Variants in TAFA2 observed in about 807,000 individuals in gnomAD.
TAFA2 encodes chemokine-like protein TAFA-2.
In TAFA2, 7 loss-of-function variants were observed where a neutral mutation model predicts 18.8. That is an observed-to-expected ratio of 0.37 (90% CI 0.21 to 0.70). TAFA2 has a LOEUF of 0.70. Among genes scored for constraint, TAFA2 ranks in the 30% least tolerant of loss-of-function variants. The probability of loss-of-function intolerance (pLI) is 0.53; values close to 1 mark genes in which losing one functional copy is unlikely to be tolerated. For synonymous variants in TAFA2, 60 were observed against 54.2 expected, an observed-to-expected ratio of 1.11 and a Z score of -0.47; for missense variants, 122 against 158.1, an observed-to-expected ratio of 0.77 and a Z score of 1.23.
chr12:61,807,026 T>C (rs1447552125), intron 2 of TAFA2, among the ~76,000 whole-genome samples: 1 of 146,314 alleles, frequency 6.8e-6, no homozygotes, highest in Non-Finnish European at 1.5e-5. Context: ...TCAAGCCAGC[T>C]GCAGAAATTT....
chr12:61,818,479 TCTCAAAAAAATACACACACACA>T (rs1351357638), intron 2 of TAFA2, among the ~76,000 whole-genome samples: 1 of 140,308 alleles, frequency 7.1e-6, no homozygotes, highest in Non-Finnish European at 1.5e-5. Flanking sequence ...CGAGACCCTG[TCTCAAAAAAATACACACACACA>T]CACACACACA....
chr12:61,898,464 C>T (rs1336346401), intron 1 of TAFA2, among the ~76,000 whole-genome samples: 1 of 152,208 alleles, frequency 6.6e-6, no homozygotes, highest in East Asian at 1.9e-4. Context: ...TCCATACATC[C>T]TCCGAAATCT....
At chr12:62,174,580 T>C (rs971217063) in intron 1 of TAFA2, among the ~76,000 whole-genome samples, 2 of 152,146 alleles carry the variant, frequency 1.3e-5, no homozygotes, top group Non-Finnish European at 2.9e-5. Flanking sequence ...TAAAATCCAC[T>C]AAAGAATTTA....
chr12:62,256,732 AT>A, intron 1 of TAFA2, among the ~76,000 whole-genome samples: 1 of 151,880 alleles, frequency 6.6e-6, no homozygotes. Context: ...ACCCTCCGTA[AT>A]TTTTTTTAGC....
intron 1 of TAFA2, among the ~76,000 whole-genome samples, chr12:62,081,667 T>G (rs1056649621): frequency 2.0e-5 from 3 of 152,052 alleles, no homozygotes; most frequent in Non-Finnish European, 4.4e-5. Flanking sequence ...GTATTTTTAG[T>G]AGAGACGGGG....
chr12:62,080,936 T>C (rs1354075293), intron 1 of TAFA2, among the ~76,000 whole-genome samples: 1 of 152,186 alleles, frequency 6.6e-6, no homozygotes, highest in Non-Finnish European at 1.5e-5. Context: ...GGCTCACGCC[T>C]GTAACCCCAG....
At chr12:61,995,543 T>C (rs866923146) in intron 1 of TAFA2, among the ~76,000 whole-genome samples, 1 of 152,198 alleles carries the variant, frequency 6.6e-6, no homozygotes, top group African/African-American at 2.4e-5. Flanking sequence ...TGGGACCAGG[T>C]CGACCTTTTT....
chr12:62,163,974 CT>C (rs1471343192), intron 1 of TAFA2, among the ~76,000 whole-genome samples: 2 of 152,102 alleles, frequency 1.3e-5, no homozygotes, highest in Non-Finnish European at 2.9e-5. Context: ...AGGATTTTCA[CT>C]TCAACAGATA....
At chr12:62,233,964 A>G (rs1907972) in intron 1 of TAFA2, among the ~76,000 whole-genome samples, 51,382 of 152,028 alleles carry the variant, frequency 0.34, 9,438 homozygotes, top group South Asian at 0.45. Context: ...GATAAGCTTG[A>G]GCCTGTAGAG....
At chr12:62,072,385 C>T (rs911122982) in intron 1 of TAFA2, among the ~76,000 whole-genome samples, 3 of 151,734 alleles carry the variant, frequency 2.0e-5, no homozygotes, top group South Asian at 2.1e-4. Context: ...AGGAGAATGG[C>T]GTGAACCCAG....
chr12:61,958,347 T>C (rs1221792634), intron 1 of TAFA2, among the ~76,000 whole-genome samples: 1 of 152,110 alleles, frequency 6.6e-6, no homozygotes, highest in East Asian at 1.9e-4. Flanking sequence ...TGTTTTCTTA[T>C]ACGTATATGC....
At chr12:61,805,353 C>G (rs760539645) in intron 2 of TAFA2, among the ~76,000 whole-genome samples, 7 of 151,990 alleles carry the variant, frequency 4.6e-5, no homozygotes, top group Non-Finnish European at 1.0e-4. Flanking sequence ...CTGTACATTA[C>G]CTCATTCGTG....
intron 1 of TAFA2, among the ~76,000 whole-genome samples, chr12:61,991,542 A>T (rs770444341): frequency 6.6e-6 from 1 of 152,162 alleles, no homozygotes; most frequent in Non-Finnish European, 1.5e-5. Context: ...AACATTTCTC[A>T]CAACTTCTAA....
intron 1 of TAFA2, among the ~76,000 whole-genome samples, chr12:61,945,946 G>GA (rs1878249379): frequency 6.8e-6 from 1 of 146,448 alleles, no homozygotes; most frequent in East Asian, 2.0e-4. Context: ...CACAGAATTG[G>GA]AAAAAACTAC....
At chr12:62,103,008 C>T (rs1869278677) in intron 1 of TAFA2, among the ~76,000 whole-genome samples, 1 of 152,186 alleles carries the variant, frequency 6.6e-6, no homozygotes, top group African/African-American at 2.4e-5. Context: ...TACAGCACAT[C>T]CTTGTGCTCA....
At chr12:62,139,368 G>C (rs1257274116) in intron 1 of TAFA2, among the ~76,000 whole-genome samples, 1 of 152,140 alleles carries the variant, frequency 6.6e-6, no homozygotes, top group Non-Finnish European at 1.5e-5. Context: ...CCCATTTACG[G>C]ATTGTCATTG....
At chr12:62,131,279 C>A (rs542533961) in intron 1 of TAFA2, among the ~76,000 whole-genome samples, 1 of 152,094 alleles carries the variant, frequency 6.6e-6, no homozygotes, top group South Asian at 2.1e-4. Context: ...TGGGTGGCAT[C>A]CACACACAGA....
chr12:61,955,657 A>T (rs940618364), intron 1 of TAFA2, among the ~76,000 whole-genome samples: 1 of 111,948 alleles, frequency 8.9e-6, no homozygotes, highest in African/African-American at 3.1e-5. Flanking sequence ...ATATATATAT[A>T]TATATATATA....
intron 4 of TAFA2, among the ~76,000 whole-genome samples, chr12:61,721,722 A>G (rs186506352): frequency 2.3e-4 from 35 of 152,294 alleles, no homozygotes; most frequent in Non-Finnish European, 4.3e-4. Context: ...TTGGGAGGCC[A>G]ACGCGGGTGG....
Sources: allele counts gnomAD v4.1 joint callset (sites outside exome capture counted in the v4.1 genomes callset), GRCh38; gene constraint gnomAD v4.1.1; transcripts MANE v1.5; gene names NCBI Gene and HGNC (gene_info 2026-07-23, HGNC 2026-07-21).